Variants in DGKG observed in about 807,000 individuals in gnomAD.
DGKG encodes diacylglycerol kinase gamma.
Under a neutral mutation model 105.3 loss-of-function variants are expected in DGKG, and 78 were observed. The ratio of observed to expected loss-of-function variants is 0.74; its 90% CI spans 0.62 to 0.89. The LOEUF is 0.89. Among genes scored for constraint, DGKG ranks in the 40% least tolerant of loss-of-function variants. The pLI, the probability that DGKG is intolerant of heterozygous loss-of-function variation, is 0.00. For synonymous variants in DGKG, 346 were observed against 367.1 expected, an observed-to-expected ratio of 0.94 and a Z score of 0.66; for missense variants, 958 against 1,020.1, an observed-to-expected ratio of 0.94 and a Z score of 0.83.
chr3:186,318,784 T>C (rs1724938390), intron 2 of DGKG, among the ~76,000 whole-genome samples: 1 of 152,194 alleles, frequency 6.6e-6, no homozygotes. Context: ...TGTGGACTTC[T>C]AGCTCCCAGA....
chr3:186,328,014 T>G (rs1725431144), intron 1 of DGKG, among the ~76,000 whole-genome samples: 1 of 152,122 alleles, frequency 6.6e-6, no homozygotes, highest in African/African-American at 2.4e-5. Context: ...TCCAGCCAAA[T>G]CTACCTTCTG....
chr3:186,271,779 T>C (rs1722328275), intron 11 of DGKG, among the ~76,000 whole-genome samples: 1 of 152,164 alleles, frequency 6.6e-6, no homozygotes, highest in Non-Finnish European at 1.5e-5. Context: ...GAATAAGCCG[T>C]GTCTCATGCC....
chr3:186,283,708 T>C (rs1034142754), intron 7 of DGKG, among the ~76,000 whole-genome samples: 7 of 152,372 alleles, frequency 4.6e-5, no homozygotes, highest in African/African-American at 1.7e-4. Flanking sequence ...ATAATGCAGA[T>C]ACTCAGTAAA....
At chr3:186,345,566 A>C (rs577054815) in intron 1 of DGKG, among the ~76,000 whole-genome samples, 2 of 152,324 alleles carry the variant, frequency 1.3e-5, no homozygotes, top group Non-Finnish European at 2.9e-5. Flanking sequence ...TCTAAATTTA[A>C]GTGTCAGGAA....
chr3:186,160,969 G>GACA (rs1464059276), intron 24 of DGKG: 2 of 985,138 alleles, frequency 2.0e-6, no homozygotes, highest in African/African-American at 1.7e-5. Context: ...ATGTATTATT[G>GACA]TGCAACTATT....
chr3:186,188,281 T>C lies in DGKG; in HGVS notation c.2016A>G (p.Glu672=), dbSNP rs1223902834. 14 of 1,614,098 alleles carry C rather than the reference T, an allele frequency of 8.7e-6. No individual in the cohort carries two copies. Among genetic ancestry groups the C allele is most frequent in the Non-Finnish European group, 1.2e-5 (14 of 1,180,048 alleles). Residue 672 remains glutamate (E), a synonymous_variant, in exon 22 of 25, where the codon GAA becomes GAG. Transcript: ENST00000265022. ...GGATCACAGCCCGGTTCTTCTTGTT[T>C]TCTCCCCAGAGATTGGTGCCTCCGT... ...SMYGGTNLWG[E]NKKNRAVIRE...
chr3:186,338,672 A>T (rs1262203640), intron 1 of DGKG, among the ~76,000 whole-genome samples: 1 of 152,184 alleles, frequency 6.6e-6, no homozygotes, highest in Non-Finnish European at 1.5e-5. Context: ...TTAAAAAGGG[A>T]ATGTATTAAT....
chr3:186,149,024 A>ACG lies in DGKG; in HGVS notation c.*1064_*1065dup. On this transcript the variant is annotated 3_prime_UTR_variant, in exon 25 of 25. Coordinates refer to ENST00000265022, the MANE Select transcript of DGKG (RefSeq NM_001346.3). ...TATATACACGCACACACACACACAC[A>ACG]CGCGCGCACACACGTTAAGACCATC... The ACG allele has an allele frequency of 3.1e-6, 3 of 954,512 alleles. No individual in the cohort carries two copies. Among genetic ancestry groups the ACG allele is most frequent in the Non-Finnish European group, 2.5e-6 (2 of 803,838 alleles). The allele number at this position is 954,512 out of a possible 1,614,324, so 59.1% of individuals were successfully genotyped here. A position where few individuals can be genotyped will look rare whatever the true frequency, so the allele number is the denominator to read the frequency against.
At chr3:186,207,147 A>C (rs1718786559) in intron 21 of DGKG, among the ~76,000 whole-genome samples, 1 of 152,234 alleles carries the variant, frequency 6.6e-6, no homozygotes, top group Non-Finnish European at 1.5e-5. Context: ...GTGGTCTCAT[A>C]GAAGAAGCAT....
In DGKG at chr3:186,203,352, C is replaced by T. The variant is rs1490480134; in HGVS notation, c.1917+8443G>A. Among the ~76,000 whole-genome samples the T allele has an allele frequency of 6.6e-6, 1 of 152,254 alleles. No homozygotes were observed. Among genetic ancestry groups the T allele is most frequent in the African/African-American group, 2.4e-5 (1 of 41,548 alleles). On this transcript the variant is annotated intron_variant, in intron 21 of 24. Coordinates refer to ENST00000265022, the MANE Select transcript of DGKG (RefSeq NM_001346.3). The surrounding 1 kb of genome is among the most constrained non-coding windows in gnomAD (Gnocchi z 4.9). ...CATTACCCTAAGATTGAAACGAGGC[C>T]AATGTTGTAGCAGTGCTGATTCCTG... is the stretch of plus-strand genomic sequence containing the variant.
chr3:186,283,489 C>T (rs919586164), intron 7 of DGKG, among the ~76,000 whole-genome samples: 3 of 152,170 alleles, frequency 2.0e-5, no homozygotes, highest in Non-Finnish European at 4.4e-5. Context: ...CCTAGAGAGG[C>T]CTTCCTCGGC....
intron 20 of DGKG, among the ~76,000 whole-genome samples, chr3:186,225,456 C>T (rs1371898659): frequency 1.3e-5 from 2 of 152,190 alleles, no homozygotes; most frequent in Non-Finnish European, 2.9e-5. Flanking sequence ...ATTTCCTGGA[C>T]ATCAACGTGA....
At chr3:186,277,749 A>G (rs899194840) in intron 9 of DGKG, among the ~76,000 whole-genome samples, 46 of 152,150 alleles carry the variant, frequency 3.0e-4, no homozygotes, top group African/African-American at 1.1e-3. Flanking sequence ...TGGTGGCTGC[A>G]GAACGTGGGC....
intron 20 of DGKG, among the ~76,000 whole-genome samples, chr3:186,234,578 C>G (rs573597604): frequency 6.6e-6 from 1 of 152,330 alleles, no homozygotes; most frequent in Non-Finnish European, 1.5e-5. Flanking sequence ...GATATGATCA[C>G]AAACCGATTC....
chr3:186,343,052 C>T (rs1726157020), intron 1 of DGKG, among the ~76,000 whole-genome samples: 1 of 151,986 alleles, frequency 6.6e-6, no homozygotes, highest in South Asian at 2.1e-4. Flanking sequence ...TACTAAATGA[C>T]AATAACAACA....
intron 24 of DGKG, chr3:186,158,320 A>G: frequency 1.1e-6 from 1 of 909,688 alleles, no homozygotes; most frequent in Non-Finnish European, 1.3e-6. Flanking sequence ...TTCCAAATAT[A>G]GTTTAGGCTA....
chr3:186,217,903 A>G (rs533538086), intron 20 of DGKG, among the ~76,000 whole-genome samples: 55 of 152,370 alleles, frequency 3.6e-4, no homozygotes, highest in Admixed American at 1.8e-3. Flanking sequence ...CTAGAAATAG[A>G]AGCCCTTGAA....
intron 5 of DGKG, among the ~76,000 whole-genome samples, chr3:186,296,327 T>A (rs1244564989): frequency 6.6e-6 from 1 of 152,194 alleles, no homozygotes; most frequent in Non-Finnish European, 1.5e-5. Context: ...CAGAGCTAGG[T>A]AGTGTTGGCT....
chr3:186,204,015 C>T (rs1011582982), intron 21 of DGKG, among the ~76,000 whole-genome samples: 4 of 152,238 alleles, frequency 2.6e-5, no homozygotes, highest in Non-Finnish European at 5.9e-5. Context: ...ATGCCCACAG[C>T]TGGAGCTTAA....
Sources: gnomAD v4.1 joint callset for allele counts (sites outside exome capture counted in the v4.1 genomes callset) on GRCh38, gnomAD v4.1.1 for gene constraint, Gnocchi (gnomAD v3.1) non-coding constraint, MANE v1.5 for transcripts, NCBI Gene and HGNC (gene_info 2026-07-23, HGNC 2026-07-21) for gene names.